Variants in KIAA1328 observed in about 807,000 individuals in gnomAD.
KIAA1328 encodes the protein KIAA1328.
Under a neutral mutation model 68.1 loss-of-function variants are expected in KIAA1328, and 52 were observed. The observed-to-expected ratio is 0.76, with a 90% confidence interval of 0.61 to 0.96. The LOEUF (loss-of-function observed/expected upper bound fraction) is 0.96. KIAA1328 is among the 40% of genes least tolerant of loss of function. KIAA1328 has a pLI of 0.00. For missense variants in KIAA1328, 641 were observed against 677.6 expected (o/e 0.95, Z 0.60); for synonymous variants, 232 against 239.4 (o/e 0.97, Z 0.28).
chr18:36,947,142 C>T lies in KIAA1328; in HGVS notation c.449-12166C>T, dbSNP rs60637381. 2.6e-3 allele frequency among the ~76,000 whole-genome samples: 396 copies of T among 152,018 alleles called. 4 individuals are homozygous for T. Among genetic ancestry groups the T allele is most frequent in the African/African-American group, 9.1e-3 (375 of 41,436 alleles). On this transcript the variant is annotated intron_variant, in intron 5 of 9. Transcript: ENST00000280020. ...TCACGCCACTGCACTCCAGCCTGGGCGACAGAGCAAGACTCCGTCTCCTAA... is the reference window on the plus strand; with the variant it reads ...TCACGCCACTGCACTCCAGCCTGGGTGACAGAGCAAGACTCCGTCTCCTAA...
chr18:36,875,003 G>A (rs2048072548), intron 4 of KIAA1328, among the ~76,000 whole-genome samples: 1 of 152,078 alleles, frequency 6.6e-6, no homozygotes, highest in African/African-American at 2.4e-5. Flanking sequence ...TTATTTCTGA[G>A]GCCTGTGTTC....
intron 5 of KIAA1328, among the ~76,000 whole-genome samples, chr18:36,891,973 G>T (rs1270976547): frequency 6.6e-6 from 1 of 152,190 alleles, no homozygotes; most frequent in African/African-American, 2.4e-5. Context: ...CTGAAAATAG[G>T]TAAGAGAAAA....
intron 7 of KIAA1328, among the ~76,000 whole-genome samples, chr18:37,073,855 G>A: frequency 6.6e-6 from 1 of 152,158 alleles, no homozygotes; most frequent in Non-Finnish European, 1.5e-5. Context: ...CAACGTTTAT[G>A]TGATCTTGAC....
chr18:37,084,162 G>T, intron 7 of KIAA1328: 2 of 1,519,400 alleles, frequency 1.3e-6, no homozygotes, highest in South Asian at 1.2e-5. Flanking sequence ...GAGAGAACTG[G>T]TTGCTGAAAA....
chr18:37,118,954 A>G (rs2058195984), intron 7 of KIAA1328, among the ~76,000 whole-genome samples: 1 of 152,174 alleles, frequency 6.6e-6, no homozygotes, highest in South Asian at 2.1e-4. Context: ...GGGTCTTCAG[A>G]AAGACATTTC....
intron 6 of KIAA1328, among the ~76,000 whole-genome samples, chr18:36,979,803 G>A (rs1423985756): frequency 6.6e-6 from 1 of 152,164 alleles, no homozygotes; most frequent in Non-Finnish European, 1.5e-5. Context: ...CTCAAAGAAA[G>A]GAGAAGAGAC....
intron 6 of KIAA1328, among the ~76,000 whole-genome samples, chr18:37,045,139 G>T (rs2055414957): frequency 6.6e-6 from 1 of 152,102 alleles, no homozygotes; most frequent in South Asian, 2.1e-4. Flanking sequence ...TTTTGAATTT[G>T]AAATAGAGGT....
intron 7 of KIAA1328, among the ~76,000 whole-genome samples, chr18:37,093,305 A>G (rs1018718413): frequency 3.0e-4 from 46 of 152,338 alleles, no homozygotes; most frequent in African/African-American, 1.1e-3. Context: ...TACCAAGGAA[A>G]GGAAATTATG....
chr18:37,054,704 G>A (rs1224642736), intron 6 of KIAA1328, among the ~76,000 whole-genome samples: 1 of 152,184 alleles, frequency 6.6e-6, no homozygotes, highest in Non-Finnish European at 1.5e-5. Context: ...AAAGCTGCCT[G>A]TTGGGTAGTA....
At chr18:37,097,689 A>G (rs2057455975) in intron 7 of KIAA1328, among the ~76,000 whole-genome samples, 1 of 152,142 alleles carries the variant, frequency 6.6e-6, no homozygotes, top group East Asian at 1.9e-4. Context: ...CACAATATTG[A>G]TTCTTCCTAC....
At chr18:37,027,732 G>T (rs2054645597) in intron 6 of KIAA1328, among the ~76,000 whole-genome samples, 1 of 152,078 alleles carries the variant, frequency 6.6e-6, no homozygotes. Flanking sequence ...ATGGATTAAA[G>T]ACTTACATGT....
chr18:36,944,549 A>G (rs1459765899), intron 5 of KIAA1328, among the ~76,000 whole-genome samples: 1 of 151,876 alleles, frequency 6.6e-6, no homozygotes, highest in African/African-American at 2.4e-5. Context: ...ACTGCATTCC[A>G]GCCTAGGCAA....
At chr18:36,982,343 A>G (rs1299020602) in intron 6 of KIAA1328, among the ~76,000 whole-genome samples, 1 of 151,272 alleles carries the variant, frequency 6.6e-6, no homozygotes, top group Non-Finnish European at 1.5e-5. Context: ...AAGCACATCA[A>G]AAGTAAATTG....
chr18:37,116,567 A>C (rs1324146387), intron 7 of KIAA1328, among the ~76,000 whole-genome samples: 56 of 149,194 alleles, frequency 3.8e-4, no homozygotes, highest in African/African-American at 1.3e-3. Context: ...CCTAGAAGAA[A>C]ACCTAGGCAA....
intron 6 of KIAA1328, among the ~76,000 whole-genome samples, chr18:36,975,112 A>G (rs886976556): frequency 8.6e-5 from 13 of 152,004 alleles, no homozygotes; most frequent in African/African-American, 3.1e-4. Flanking sequence ...GATATCAGTC[A>G]CTGGTATCCA....
intron 5 of KIAA1328, among the ~76,000 whole-genome samples, chr18:36,897,436 T>C (rs1250613736): frequency 1.3e-5 from 2 of 152,094 alleles, no homozygotes; most frequent in Non-Finnish European, 2.9e-5. Flanking sequence ...TATGAGACTT[T>C]GTTTCACACA....
chr18:37,114,931 G>A (rs539480557), intron 7 of KIAA1328, among the ~76,000 whole-genome samples: 1 of 152,120 alleles, frequency 6.6e-6, no homozygotes, highest in Admixed American at 6.5e-5. Context: ...TGGATAAATT[G>A]CTCAACACAT....
intron 7 of KIAA1328, among the ~76,000 whole-genome samples, chr18:37,076,581 C>T (rs1189035597): frequency 5.9e-5 from 9 of 151,514 alleles, no homozygotes; most frequent in East Asian, 1.9e-4. Context: ...ATTGATAGAC[C>T]GCTAGCAAGA....
intron 6 of KIAA1328, among the ~76,000 whole-genome samples, chr18:36,970,197 G>A (rs912387472): frequency 6.6e-6 from 1 of 152,122 alleles, no homozygotes; most frequent in Admixed American, 6.6e-5. Context: ...ATGAACCAAT[G>A]ACAAAACCAC....
Sources: gnomAD v4.1 joint callset for allele counts (sites outside exome capture counted in the v4.1 genomes callset) on GRCh38, gnomAD v4.1.1 for gene constraint, MANE v1.5 for transcripts, NCBI Gene and HGNC (gene_info 2026-07-23, HGNC 2026-07-21) for gene names.